The following MAPKAP1 variants were observed in gnomAD, a reference collection of about 807,000 sequenced individuals.
MAPKAP1 encodes the protein target of rapamycin complex 2 subunit MAPKAP1.
Under a neutral mutation model 65.7 loss-of-function variants are expected in MAPKAP1, and 20 were observed. That is an observed-to-expected ratio of 0.30 (90% confidence interval 0.21 to 0.44). The LOEUF (loss-of-function observed/expected upper bound fraction) is 0.44, where lower values mean the gene tolerates loss of function less well. Ranked by LOEUF, MAPKAP1 falls within the 20% of genes least tolerant of loss-of-function variation. The probability of loss-of-function intolerance (pLI) is 1.00; values close to 1 mark genes in which losing one functional copy is unlikely to be tolerated. For synonymous variants in MAPKAP1, 222 were observed against 244.3 expected, an observed-to-expected ratio of 0.91 and a Z score of 0.85; for missense variants, 423 against 648.0, an observed-to-expected ratio of 0.65 and a Z score of 3.77.
At chr9:125,546,376 G>A (rs550745477) in intron 6 of MAPKAP1, among the ~76,000 whole-genome samples, 31 of 152,284 alleles carry the variant, frequency 2.0e-4, no homozygotes, top group South Asian at 6.2e-4. Context: ...CTTGTTCCAC[G>A]TCTACAGCGC....
chr9:125,505,795 G>A lies in MAPKAP1; in HGVS notation c.1066+515C>T, dbSNP rs142779564. 4.0e-3 allele frequency: 651 copies of A among 163,612 alleles called. 4 individuals carry two copies. The highest frequency in any genetic ancestry group is 0.015 in the African/African-American group (608 of 41,790). 10.1% of individuals were successfully genotyped at this position (163,612 alleles called of 1,614,324 possible). ...TCACACATCACTTGCCCTTGTGTCA[G>A]TGGGAGTATGGAGGAGAGGATGGCA... On this transcript the variant is annotated intron_variant, in intron 8 of 11. Coordinates refer to ENST00000265960, the MANE Select transcript of MAPKAP1 (RefSeq NM_001006617.3).
intron 4 of MAPKAP1, among the ~76,000 whole-genome samples, chr9:125,636,972 A>C (rs1833443116): frequency 6.6e-6 from 1 of 152,220 alleles, no homozygotes; most frequent in Non-Finnish European, 1.5e-5. Context: ...TATCTAATTA[A>C]ATTTATTGCA....
chr9:125,512,121 G>A lies in MAPKAP1; in HGVS notation c.959-5704C>T, dbSNP rs775466145. Reference sequence around the variant, plus strand: ...GCTACATGCTCAGAGCAGCTTCCTCGATCCCTTTAACCCCTAACTGAAACA... The same window carrying A: ...GCTACATGCTCAGAGCAGCTTCCTCAATCCCTTTAACCCCTAACTGAAACA... On this transcript the variant is annotated intron_variant, in intron 7 of 11. Coordinates refer to ENST00000265960, the MANE Select transcript of MAPKAP1 (RefSeq NM_001006617.3). Among the ~76,000 whole-genome samples, 3 of 152,220 alleles carry A rather than the reference G, an allele frequency of 2.0e-5. No individual in the cohort carries two copies. In the East Asian group the frequency reaches 5.8e-4, roughly 29 times the overall value.
intron 8 of MAPKAP1, among the ~76,000 whole-genome samples, chr9:125,494,274 G>A (rs562267199): frequency 6.6e-5 from 10 of 152,198 alleles, no homozygotes; most frequent in African/African-American, 2.4e-4. Context: ...ACAATCAATA[G>A]GTGATATACT....
intron 7 of MAPKAP1, among the ~76,000 whole-genome samples, chr9:125,515,051 C>T (rs1829421089): frequency 6.6e-6 from 1 of 152,080 alleles, no homozygotes; most frequent in South Asian, 2.1e-4. Context: ...ACCGCTGTAG[C>T]TTATACCCCC....
At chr9:125,502,008 C>T (rs907170039) in intron 8 of MAPKAP1, among the ~76,000 whole-genome samples, 1 of 151,654 alleles carries the variant, frequency 6.6e-6, no homozygotes, top group Non-Finnish European at 1.5e-5. Flanking sequence ...TTCTATTCTT[C>T]TCTTTATTGC....
intron 7 of MAPKAP1, among the ~76,000 whole-genome samples, chr9:125,528,515 C>A (rs768113661): frequency 6.6e-6 from 1 of 152,218 alleles, no homozygotes; most frequent in Non-Finnish European, 1.5e-5. Flanking sequence ...AGGAGGGGAA[C>A]TCCCAAACCT....
At chr9:125,509,408 A>T (rs1829236962) in intron 7 of MAPKAP1, among the ~76,000 whole-genome samples, 1 of 152,140 alleles carries the variant, frequency 6.6e-6, no homozygotes, top group East Asian at 1.9e-4. Context: ...GTTTTTTTGT[A>T]TTTTTCAAAT....
chr9:125,571,969 T>C (rs1431016112), intron 5 of MAPKAP1, among the ~76,000 whole-genome samples: 2 of 152,240 alleles, frequency 1.3e-5, no homozygotes, highest in Admixed American at 6.5e-5. Context: ...TTAAGTAAAG[T>C]ATACTCCTGT....
At chr9:125,694,830 A>T (rs1017111480) in intron 1 of MAPKAP1, among the ~76,000 whole-genome samples, 3 of 152,184 alleles carry the variant, frequency 2.0e-5, no homozygotes, top group Non-Finnish European at 4.4e-5. Flanking sequence ...GACTCAATAT[A>T]TTTGTTCTGA....
chr9:125,603,598 T>A (rs1322026727), intron 4 of MAPKAP1, among the ~76,000 whole-genome samples: 4 of 152,238 alleles, frequency 2.6e-5, no homozygotes, highest in Non-Finnish European at 5.9e-5. Flanking sequence ...GGCAGTATTT[T>A]CCTTGTGTTC....
Position 125,606,692 on chromosome 9 carries a change from G to C in MAPKAP1, c.499-20965C>G, listed in dbSNP as rs184874847. ...CTACATGCCTTTCTGAAAGAGCCAAGGTGATTGTAGCCAACACTGCAGATG... is the reference window on the plus strand; with the variant it reads ...CTACATGCCTTTCTGAAAGAGCCAACGTGATTGTAGCCAACACTGCAGATG... On this transcript the variant is annotated intron_variant, in intron 4 of 11. Transcript: ENST00000265960. Among the ~76,000 whole-genome samples, 7 of 152,316 alleles carry C rather than the reference G, an allele frequency of 4.6e-5. No individual in the cohort carries two copies. The East Asian group carries it at 1.4e-3, about 29-fold the overall frequency.
At chr9:125,496,851 C>A (rs970931359) in intron 8 of MAPKAP1, among the ~76,000 whole-genome samples, 4 of 152,110 alleles carry the variant, frequency 2.6e-5, no homozygotes, top group African/African-American at 9.7e-5. Flanking sequence ...CAGTGAGAAG[C>A]CTGGAGATGT....
intron 10 of MAPKAP1, among the ~76,000 whole-genome samples, chr9:125,450,025 C>A (rs933143007): frequency 1.3e-5 from 2 of 151,974 alleles, no homozygotes; most frequent in African/African-American, 2.4e-5. Flanking sequence ...TGGGTTCAAG[C>A]GATTCTCCTG....
chr9:125,664,788 C>T (rs1019860496), intron 3 of MAPKAP1, among the ~76,000 whole-genome samples: 1 of 150,786 alleles, frequency 6.6e-6, no homozygotes, highest in Non-Finnish European at 1.5e-5. Flanking sequence ...CTCCTCAATA[C>T]CCAAAGCTTC....
chr9:125,653,598 T>C (rs1833951823), intron 4 of MAPKAP1, among the ~76,000 whole-genome samples: 1 of 152,166 alleles, frequency 6.6e-6, no homozygotes, highest in African/African-American at 2.4e-5. Flanking sequence ...CAGCTTATGA[T>C]ATTCAATATT....
chr9:125,444,725 C>T, intron 10 of MAPKAP1, 127 bp from the exon 11 acceptor site: 1 of 613,748 alleles, frequency 1.6e-6, no homozygotes, highest in Non-Finnish European at 2.8e-6. Context: ...CCTAGTCTTC[C>T]CAGGAGTAGT....
At chr9:125,587,532 C>CA (rs1221713064) in intron 4 of MAPKAP1, among the ~76,000 whole-genome samples, 1 of 152,186 alleles carries the variant, frequency 6.6e-6, no homozygotes, top group African/African-American at 2.4e-5. Flanking sequence ...TGCCACTGCA[C>CA]TCCAGCCTGG....
intron 4 of MAPKAP1, among the ~76,000 whole-genome samples, chr9:125,625,800 C>T (rs972271114): frequency 3.3e-5 from 5 of 151,900 alleles, no homozygotes; most frequent in Admixed American, 1.3e-4. Context: ...ATCTCAAAAA[C>T]AAACAAACAA....
Sources: gnomAD v4.1 joint callset for allele counts (sites outside exome capture counted in the v4.1 genomes callset) on GRCh38, gnomAD v4.1.1 for gene constraint, MANE v1.5 for transcripts, NCBI Gene and HGNC (gene_info 2026-07-23, HGNC 2026-07-21) for gene names.